SEMA4D: variants seen among roughly 807,000 people sequenced by gnomAD.
SEMA4D encodes the protein semaphorin-4D.
A neutral mutation model predicts 74.8 loss-of-function variants in SEMA4D; 22 were observed. The observed-to-expected ratio is 0.29, with a 90% CI of 0.21 to 0.42. SEMA4D has a LOEUF of 0.42. Among genes scored for constraint, SEMA4D ranks in the 10% least tolerant of loss-of-function variants. The probability of loss-of-function intolerance (pLI) is 1.00; values close to 1 mark genes in which losing one functional copy is unlikely to be tolerated. For synonymous variants in SEMA4D, 445 were observed against 463.7 expected, an observed-to-expected ratio of 0.96 and a Z score of 0.52; for missense variants, 937 against 1,118.4, an observed-to-expected ratio of 0.84 and a Z score of 2.31.
chr9:89,420,358 C>T (rs1259721295), intron 2 of SEMA4D, among the ~76,000 whole-genome samples: 1 of 152,228 alleles, frequency 6.6e-6, no homozygotes, highest in East Asian at 1.9e-4. Flanking sequence ...TGTAATTACT[C>T]ATCATGCTGT....
chr9:89,433,367 C>T (rs2134730950), intron 2 of SEMA4D, among the ~76,000 whole-genome samples: 1 of 152,216 alleles, frequency 6.6e-6, no homozygotes, highest in East Asian at 1.9e-4. Flanking sequence ...GCAGCATGGT[C>T]AGCACTGACG....
intron 8 of SEMA4D, among the ~76,000 whole-genome samples, chr9:89,391,993 C>T (rs1839974658): frequency 6.6e-6 from 1 of 152,214 alleles, no homozygotes. Flanking sequence ...CGGACATGTG[C>T]TGCTGGCAGC....
At chr9:89,388,614 C>A (rs771077176) in intron 11 of SEMA4D, 22 bp downstream of exon 11, 2 of 1,585,556 alleles carry the variant, frequency 1.3e-6, no homozygotes, top group Non-Finnish European at 1.7e-6. Context: ...AAGCACGGCC[C>A]GCCCCCAGTG....
intron 2 of SEMA4D, among the ~76,000 whole-genome samples, chr9:89,414,658 G>A (rs1408778457): frequency 1.3e-5 from 2 of 152,226 alleles, no homozygotes; most frequent in Non-Finnish European, 2.9e-5. Context: ...TTCAGGAGCT[G>A]TCTAGGTCAC....
chr9:89,489,795 T>C (rs1162990953), intron 1 of SEMA4D, among the ~76,000 whole-genome samples: 1 of 152,274 alleles, frequency 6.6e-6, no homozygotes, highest in Non-Finnish European at 1.5e-5. Flanking sequence ...ACTGGAATAG[T>C]GCCACTGTGA....
intron 1 of SEMA4D, among the ~76,000 whole-genome samples, chr9:89,496,978 C>A (rs1826068462): frequency 6.6e-6 from 1 of 152,238 alleles, no homozygotes; most frequent in Non-Finnish European, 1.5e-5. Flanking sequence ...GTGCTCAACA[C>A]AGAGTGAGGT....
chr9:89,420,739 T>C (rs899610556), intron 2 of SEMA4D, among the ~76,000 whole-genome samples: 1 of 152,232 alleles, frequency 6.6e-6, no homozygotes, highest in African/African-American at 2.4e-5. Context: ...CAGAGGAACC[T>C]GGGTTCCAGT....
chr9:89,395,196 C>T (rs767498607), intron 6 of SEMA4D, among the ~76,000 whole-genome samples: 5 of 152,050 alleles, frequency 3.3e-5, no homozygotes, highest in East Asian at 1.9e-4. Context: ...GAGGCCAAGG[C>T]GGGTGGATCA....
intron 1 of SEMA4D, among the ~76,000 whole-genome samples, chr9:89,483,188 C>A (rs1479189519): frequency 3.9e-5 from 6 of 152,216 alleles, no homozygotes; most frequent in Admixed American, 3.9e-4. Flanking sequence ...CACAGAACAT[C>A]CAGGACGCAG....
At chr9:89,444,234 C>T (rs984095749) in intron 2 of SEMA4D, among the ~76,000 whole-genome samples, 4 of 152,192 alleles carry the variant, frequency 2.6e-5, no homozygotes, top group African/African-American at 9.7e-5. Flanking sequence ...TCCATGGCCT[C>T]CTCCCTGGCT....
intron 16 of SEMA4D, among the ~76,000 whole-genome samples, chr9:89,370,940 TG>T: frequency 9.9e-6 from 1 of 101,424 alleles, no homozygotes; most frequent in African/African-American, 4.0e-5. Context: ...GTTGTGTGTC[TG>T]GGGTATGGTG....
intron 2 of SEMA4D, among the ~76,000 whole-genome samples, chr9:89,444,841 G>A (rs1214891935): frequency 6.6e-6 from 1 of 151,882 alleles, no homozygotes; most frequent in Non-Finnish European, 1.5e-5. Flanking sequence ...AAAAGAAACT[G>A]GCAAAGAAAA....
chr9:89,406,910 T>TA (rs1483057516), intron 2 of SEMA4D, among the ~76,000 whole-genome samples: 1 of 151,744 alleles, frequency 6.6e-6, no homozygotes, highest in African/African-American at 2.4e-5. Context: ...TGTCCCCACC[T>TA]AAAAAAAAGC....
At chr9:89,427,029 TTCAA>T (rs1848262857) in intron 2 of SEMA4D, among the ~76,000 whole-genome samples, 1 of 152,182 alleles carries the variant, frequency 6.6e-6, no homozygotes, top group Admixed American at 6.5e-5. Context: ...TGGCCAGAAT[TTCAA>T]TCAATTTCTA....
chr9:89,490,542 A>C (rs923881354), intron 1 of SEMA4D, among the ~76,000 whole-genome samples: 3 of 152,206 alleles, frequency 2.0e-5, no homozygotes, highest in African/African-American at 7.2e-5. Flanking sequence ...TTTATTATAA[A>C]AAAGGCTTTG....
chr9:89,428,660 C>A (rs1408848287), intron 2 of SEMA4D, among the ~76,000 whole-genome samples: 1 of 152,262 alleles, frequency 6.6e-6, no homozygotes, highest in Non-Finnish European at 1.5e-5. Context: ...GCCTGGCCCA[C>A]TGTCTCCAAG....
In SEMA4D at chr9:89,492,309, C is replaced by A. The variant is rs74838658; in HGVS notation, c.-310+5610G>T. 8.6e-3 allele frequency among the ~76,000 whole-genome samples: 1,308 copies of A among 152,260 alleles called. 25 individuals carry two copies. The highest frequency in any genetic ancestry group is 0.03 in the African/African-American group (1,231 of 41,522). On this transcript the variant is annotated intron_variant, in intron 1 of 15. Coordinates refer to ENST00000422704, the MANE Select transcript of SEMA4D (RefSeq NM_001371194.2). This position sits in a 1 kb window ranked among gnomAD's most constrained non-coding sequence, Gnocchi z 4.3. The stretch of plus-strand genomic sequence containing the variant: ...ATGCCCTCAGAACCCTCTGGTTATC[C>A]CCTACCTCGCTGGCCGCACCTTCTT...
Position 89,392,476 on chromosome 9 carries a change from C to T in SEMA4D, c.569G>A (p.Arg190Gln). The T allele has an allele frequency of 6.2e-7, 1 of 1,613,900 alleles. No homozygotes were observed. The highest frequency in any genetic ancestry group is 8.5e-7 in the Non-Finnish European group (1 of 1,179,842). ...NFLGSEPIIS[R>Q]NSSHSPLRTE... ...CCTCAGAGGACTGTGGGAAGAATTTCGGGAGATGATGGGTTCACTTCCCAA... is the reference window on the plus strand; with the variant it reads ...CCTCAGAGGACTGTGGGAAGAATTTTGGGAGATGATGGGTTCACTTCCCAA... Residue 190 changes from arginine to glutamine, a missense_variant, in exon 8 of 16, where the codon CGA becomes CAA. Coordinates refer to ENST00000422704, the MANE Select transcript of SEMA4D (RefSeq NM_001371194.2).
At chr9:89,385,398 G>T in intron 13 of SEMA4D, 3 of 985,370 alleles carry the variant, frequency 3.0e-6, no homozygotes, top group Non-Finnish European at 2.4e-6. Context: ...AGAGCTTCTG[G>T]GTCCCCTTCT....
Sources: gnomAD v4.1 joint callset for allele counts (sites outside exome capture counted in the v4.1 genomes callset) on GRCh38, gnomAD v4.1.1 for gene constraint, Gnocchi (gnomAD v3.1) non-coding constraint, MANE v1.5 for transcripts, NCBI Gene and HGNC (gene_info 2026-07-23, HGNC 2026-07-21) for gene names.